PRDM5: variants seen among roughly 807,000 people sequenced by gnomAD.
The protein encoded by PRDM5 is PR/SET domain 5.
Under a neutral mutation model 81.2 loss-of-function variants are expected in PRDM5, and 56 were observed. The observed-to-expected ratio is 0.69, with a 90% CI of 0.56 to 0.86. The LOEUF (loss-of-function observed/expected upper bound fraction) is 0.86, where lower values mean the gene tolerates loss of function less well. Ranked by LOEUF, PRDM5 falls within the 40% of genes least tolerant of loss-of-function variation. The probability of loss-of-function intolerance (pLI) is 0.00; values close to 1 mark genes in which losing one functional copy is unlikely to be tolerated. For missense variants in PRDM5, 697 were observed against 770.1 expected, an observed-to-expected ratio of 0.91 and a Z score of 1.12; for synonymous variants, 267 against 256.4, an observed-to-expected ratio of 1.04 and a Z score of -0.39.
intron 14 of PRDM5, among the ~76,000 whole-genome samples, chr4:120,717,808 G>A (rs1738014915): frequency 6.6e-6 from 1 of 152,194 alleles, no homozygotes; most frequent in South Asian, 2.1e-4. Flanking sequence ...TGTGGTTGCT[G>A]TCTATGGTTT....
chr4:120,914,340 C>T (rs1226648485), intron 1 of PRDM5, among the ~76,000 whole-genome samples: 2 of 151,546 alleles, frequency 1.3e-5, no homozygotes, highest in Non-Finnish European at 2.9e-5. Context: ...TATTTAGAAT[C>T]AAATTCAAAA....
At chr4:120,858,450 A>G (rs914247671) in intron 2 of PRDM5, among the ~76,000 whole-genome samples, 2 of 152,200 alleles carry the variant, frequency 1.3e-5, no homozygotes, top group African/African-American at 2.4e-5. Context: ...AGCAATGATC[A>G]TAGCTAGGAA....
At chr4:120,729,919 T>A (rs954639378) in intron 14 of PRDM5, among the ~76,000 whole-genome samples, 1 of 152,218 alleles carries the variant, frequency 6.6e-6, no homozygotes, top group Non-Finnish European at 1.5e-5. Context: ...CTGAGGACCA[T>A]GTACTGAGGG....
At chr4:120,847,121 T>C (rs1402468297) in intron 3 of PRDM5, among the ~76,000 whole-genome samples, 1 of 152,142 alleles carries the variant, frequency 6.6e-6, no homozygotes, top group African/African-American at 2.4e-5. Context: ...TTCTCCCCAC[T>C]GATCACTGCT....
Position 120,694,973 on chromosome 4 carries a change from G to A in PRDM5, c.*138C>T. 1 of 1,028,416 alleles carries A rather than the reference G, an allele frequency of 9.7e-7. No individual in the cohort carries two copies. The allele number at this position is 1,028,416 out of a possible 1,614,324, so 63.7% of individuals were successfully genotyped here. On this transcript the variant is annotated 3_prime_UTR_variant, in exon 16 of 16. Coordinates refer to ENST00000264808, the MANE Select transcript of PRDM5 (RefSeq NM_018699.4). ...TTTTTTGGTTGCATATGCATCTACA[G>A]ACTCTAAATGTAGGCAAATAAGAAC...
In PRDM5 at chr4:120,706,147, A is replaced by G. The variant is rs192323410; in HGVS notation, c.1728+4162T>C. ...TGCTCCCTCGCCCAAGATGGCGTGC[A>G]GTGGCACGATCTTGGCTCACTGAAA... On this transcript the variant is annotated intron_variant, in intron 15 of 15. Coordinates refer to ENST00000264808, the MANE Select transcript of PRDM5 (RefSeq NM_018699.4). 3.0e-4 allele frequency among the ~76,000 whole-genome samples: 45 copies of G among 150,580 alleles called. No homozygotes were observed. The East Asian group carries it at 5.7e-3, about 19-fold the overall frequency.
At chr4:120,817,600 A>G (rs1754701029) in intron 5 of PRDM5, among the ~76,000 whole-genome samples, 1 of 152,204 alleles carries the variant, frequency 6.6e-6, no homozygotes, top group Non-Finnish European at 1.5e-5. Context: ...GAGAGTCTAC[A>G]GTTGCATCCA....
chr4:120,881,889 GA>G (rs1184588587), intron 2 of PRDM5, among the ~76,000 whole-genome samples: 1 of 152,158 alleles, frequency 6.6e-6, no homozygotes, highest in Non-Finnish European at 1.5e-5. Flanking sequence ...ACAAAATTTT[GA>G]TAACTGAAAT....
Position 120,694,662 on chromosome 4 carries a change from T to G in PRDM5, c.*449A>C. On this transcript the variant is annotated 3_prime_UTR_variant, in exon 16 of 16. Coordinates refer to ENST00000264808, the MANE Select transcript of PRDM5 (RefSeq NM_018699.4). ...AAATAGTTGGATATCTTGATTTATT[T>G]CTATTTAAATTGGTAAAACCAGCTG... 6.2e-6 allele frequency: 1 copy of G among 161,276 alleles called. No homozygotes were observed. The highest frequency in any genetic ancestry group is 1.4e-5 in the Non-Finnish European group (1 of 72,856). The allele number at this position is 161,276 out of a possible 1,614,324, so 10.0% of individuals were successfully genotyped here. A position where few individuals can be genotyped will look rare whatever the true frequency, so the allele number is the denominator to read the frequency against.
downstream of PRDM5, among the ~76,000 whole-genome samples, chr4:120,689,917 A>C (rs1733973085): frequency 6.6e-6 from 1 of 152,234 alleles, no homozygotes; most frequent in East Asian, 1.9e-4. Flanking sequence ...GTCCAGCCTC[A>C]AAATTCTTAA....
chr4:120,839,177 C>G, intron 3 of PRDM5: 2 of 698,392 alleles, frequency 2.9e-6, no homozygotes, highest in South Asian at 3.0e-5. Flanking sequence ...TTCTCTCCTT[C>G]TCTTCACTCG....
At chr4:120,855,987 C>T (rs535569609) in intron 2 of PRDM5, among the ~76,000 whole-genome samples, 105 of 152,210 alleles carry the variant, frequency 6.9e-4, no homozygotes, top group Non-Finnish European at 1.3e-3. Context: ...TTCAAAGATA[C>T]GAAACAGAAG....
chr4:120,880,680 T>TA (rs1561586330), intron 2 of PRDM5, among the ~76,000 whole-genome samples: 1 of 152,104 alleles, frequency 6.6e-6, no homozygotes, highest in Admixed American at 6.6e-5. Flanking sequence ...AATTCATAAT[T>TA]AAAAAAATAG....
chr4:120,741,809 G>C (rs1484686855), intron 14 of PRDM5, among the ~76,000 whole-genome samples: 1 of 152,170 alleles, frequency 6.6e-6, no homozygotes. Flanking sequence ...TGCTAGCACA[G>C]CAGTCTGAGA....
chr4:120,786,491 T>C (rs1749779544), intron 10 of PRDM5, among the ~76,000 whole-genome samples: 1 of 151,754 alleles, frequency 6.6e-6, no homozygotes, highest in Non-Finnish European at 1.5e-5. Context: ...GGGAAAAGAG[T>C]AGAAAGTTTA....
chr4:120,795,499 A>G (rs1006836431), intron 10 of PRDM5, among the ~76,000 whole-genome samples: 2 of 152,020 alleles, frequency 1.3e-5, no homozygotes, highest in African/African-American at 4.8e-5. Flanking sequence ...TTCAGATCAA[A>G]TGATTGTCAG....
At chr4:120,756,419 C>G (rs1265472372) in intron 13 of PRDM5, among the ~76,000 whole-genome samples, 4 of 152,180 alleles carry the variant, frequency 2.6e-5, no homozygotes, top group Non-Finnish European at 5.9e-5. Context: ...TAACCCCACA[C>G]TTTTTTACTC....
Position 120,737,498 on chromosome 4 carries a change from C to T in PRDM5, c.1623+17055G>A, listed in dbSNP as rs78092970. Among the ~76,000 whole-genome samples, 228 of 152,302 alleles carry T rather than the reference C, an allele frequency of 1.5e-3. 4 individuals are homozygous for T. The East Asian group carries it at 0.032, about 22-fold the overall frequency. On this transcript the variant is annotated intron_variant, in intron 14 of 15. Transcript: ENST00000264808. ...ATACTTGGGACCCAGTACTTTCCCA[C>T]GCCATCACTTGGCATACTTGGGATT...
intron 14 of PRDM5, among the ~76,000 whole-genome samples, chr4:120,742,851 C>A (rs2149113707): frequency 6.6e-6 from 1 of 152,240 alleles, no homozygotes; most frequent in South Asian, 2.1e-4. Flanking sequence ...TTGGAAAACA[C>A]TCTGCAGGAT....
Sources: gnomAD v4.1 joint callset for allele counts (sites outside exome capture counted in the v4.1 genomes callset) on GRCh38, gnomAD v4.1.1 for gene constraint, MANE v1.5 for transcripts, NCBI Gene and HGNC (gene_info 2026-07-23, HGNC 2026-07-21) for gene names.